The following MALRD1 variants were observed in gnomAD, a reference collection of about 807,000 sequenced individuals.
MALRD1 encodes the protein MAM and LDL receptor class A domain containing 1.
In MALRD1, 247 loss-of-function variants were observed where a neutral mutation model predicts 242.1. That is an observed-to-expected ratio of 1.02 (90% CI 0.92 to 1.13). The LOEUF (loss-of-function observed/expected upper bound fraction) is 1.13, where lower values mean the gene tolerates loss of function less well. Among genes scored for constraint, MALRD1 ranks in the 50% most tolerant of loss-of-function variants. The pLI is 0.00. For synonymous variants in MALRD1, 995 were observed against 866.6 expected (o/e 1.15, Z -2.60); for missense variants, 2,989 against 2,533.1 (o/e 1.18, Z -3.86).
At chr10:19,318,255 A>T (rs976033570) in intron 21 of MALRD1, among the ~76,000 whole-genome samples, 11 of 152,024 alleles carry the variant, frequency 7.2e-5, no homozygotes, top group African/African-American at 2.4e-4. Flanking sequence ...TACCTATAAG[A>T]CTGGCAACCA....
At chr10:19,626,885 A>C in intron 36 of MALRD1, among the ~76,000 whole-genome samples, 1 of 152,128 alleles carries the variant, frequency 6.6e-6, no homozygotes, top group African/African-American at 2.4e-5. Flanking sequence ...TTTAATGTTC[A>C]GTTGGAAAAA....
At chr10:19,568,691 A>C (rs73595845) in intron 33 of MALRD1, among the ~76,000 whole-genome samples, 1 of 83,682 alleles carries the variant, frequency 1.2e-5, no homozygotes, top group African/African-American at 2.8e-5. Context: ...TAAGAAAAAA[A>C]TATATATTCT....
chr10:19,554,318 G>A (rs1316320159), intron 32 of MALRD1, among the ~76,000 whole-genome samples: 4 of 152,132 alleles, frequency 2.6e-5, no homozygotes, highest in South Asian at 4.1e-4. Context: ...GCAATGTCAC[G>A]TGCTGAGAGC....
rs1835425075 is a variant in MALRD1, at chr10:19,079,747, T to C, written c.341-8093T>C. ...ATAAAATGCCCTGCTTTGTCTCCAA[T>C]AAGAATTCTGTCTTCTGTCCAGGGT... On this transcript the variant is annotated intron_variant, in intron 2 of 39. Coordinates refer to ENST00000454679, the MANE Select transcript of MALRD1 (RefSeq NM_001142308.3). 2.0e-5 allele frequency among the ~76,000 whole-genome samples: 3 copies of C among 151,808 alleles called. No individual in the cohort carries two copies. The South Asian group carries it at 6.2e-4, about 32-fold the overall frequency.
At chr10:19,311,538 T>C (rs1842422917) in intron 21 of MALRD1, among the ~76,000 whole-genome samples, 2 of 151,522 alleles carry the variant, frequency 1.3e-5, no homozygotes, top group African/African-American at 4.8e-5. Flanking sequence ...AAACAATTTT[T>C]ACTTAATATA....
chr10:19,084,162 G>A (rs965210514), intron 2 of MALRD1, among the ~76,000 whole-genome samples: 2 of 151,838 alleles, frequency 1.3e-5, no homozygotes, highest in Admixed American at 6.6e-5. Flanking sequence ...ATATTACCTG[G>A]TTCTGTTGAG....
chr10:19,438,097 A>G (rs1418602887), intron 28 of MALRD1, among the ~76,000 whole-genome samples: 4 of 152,002 alleles, frequency 2.6e-5, no homozygotes, highest in Non-Finnish European at 4.4e-5. Flanking sequence ...GAAATTCTGT[A>G]CCCATTACAC....
At chr10:19,609,491 T>C (rs893255059) in intron 35 of MALRD1, among the ~76,000 whole-genome samples, 3 of 152,086 alleles carry the variant, frequency 2.0e-5, no homozygotes, top group Non-Finnish European at 4.4e-5. Flanking sequence ...TTATATTCTT[T>C]TAAGGTCAGC....
At chr10:19,299,769 G>A (rs1306602343) in intron 21 of MALRD1, among the ~76,000 whole-genome samples, 1 of 151,698 alleles carries the variant, frequency 6.6e-6, no homozygotes, top group Non-Finnish European at 1.5e-5. Flanking sequence ...AACATAATGA[G>A]AGGACAAAAG....
intron 33 of MALRD1, among the ~76,000 whole-genome samples, chr10:19,592,508 G>T (rs554329496): frequency 1.6e-4 from 25 of 152,298 alleles, no homozygotes; most frequent in Non-Finnish European, 2.1e-4. Flanking sequence ...CCCAGGAGCT[G>T]GGGGAATGAA....
At chr10:19,184,539 T>A (rs1251309729) in intron 14 of MALRD1, among the ~76,000 whole-genome samples, 1 of 139,430 alleles carries the variant, frequency 7.2e-6, no homozygotes, top group African/African-American at 2.5e-5. Flanking sequence ...TTTTTGTAGT[T>A]GTTGTTGTTT....
chr10:19,271,844 C>A (rs924112811), intron 19 of MALRD1, among the ~76,000 whole-genome samples: 1 of 151,830 alleles, frequency 6.6e-6, no homozygotes, highest in Non-Finnish European at 1.5e-5. Flanking sequence ...GGTGTACTTG[C>A]AAATGAAAAA....
At chr10:19,101,887 A>T (rs1836273375) in intron 4 of MALRD1, among the ~76,000 whole-genome samples, 1 of 137,428 alleles carries the variant, frequency 7.3e-6, no homozygotes, top group South Asian at 2.2e-4. Flanking sequence ...CAAATTTATT[A>T]ATATATATTA....
chr10:19,453,862 G>A (rs990686933), intron 29 of MALRD1, among the ~76,000 whole-genome samples: 2 of 150,386 alleles, frequency 1.3e-5, no homozygotes, highest in Non-Finnish European at 3.0e-5. Context: ...GGGTGATGGA[G>A]CAAGACTCCG....
chr10:19,429,504 C>A (rs12250343), intron 28 of MALRD1, among the ~76,000 whole-genome samples: 1 of 152,042 alleles, frequency 6.6e-6, no homozygotes, highest in Non-Finnish European at 1.5e-5. Flanking sequence ...GTGGAGGTTG[C>A]GGTGAGCCGA....
intron 21 of MALRD1, among the ~76,000 whole-genome samples, chr10:19,283,587 T>G (rs544037485): frequency 6.4e-4 from 97 of 152,276 alleles, no homozygotes; most frequent in African/African-American, 2.3e-3. Flanking sequence ...CCCTTTCCCC[T>G]TTCTGTCTTC....
At chr10:19,372,174 T>C (rs1845408185) in intron 26 of MALRD1, among the ~76,000 whole-genome samples, 1 of 152,158 alleles carries the variant, frequency 6.6e-6, no homozygotes, top group Admixed American at 6.6e-5. Flanking sequence ...TATGACTTAA[T>C]TGCAATATTT....
intron 32 of MALRD1, among the ~76,000 whole-genome samples, chr10:19,567,033 A>G (rs988699743): frequency 6.6e-6 from 1 of 152,060 alleles, no homozygotes; most frequent in African/African-American, 2.4e-5. Flanking sequence ...ATCCAGGAAG[A>G]TTTTCTGTCT....
chr10:19,602,451 T>C (rs1351211755), intron 34 of MALRD1, among the ~76,000 whole-genome samples: 1 of 150,660 alleles, frequency 6.6e-6, no homozygotes, highest in African/African-American at 2.5e-5. Flanking sequence ...CGGTGTTTGT[T>C]TTTTTTTCCT....
Sources: allele counts gnomAD v4.1 joint callset (sites outside exome capture counted in the v4.1 genomes callset), GRCh38; gene constraint gnomAD v4.1.1; transcripts MANE v1.5; gene names NCBI Gene and HGNC (gene_info 2026-07-23, HGNC 2026-07-21).